The following PNPT1 variants were observed in gnomAD, a reference collection of about 807,000 sequenced individuals.
The protein encoded by PNPT1 is polyribonucleotide nucleotidyltransferase 1, mitochondrial.
Under a neutral mutation model 119.5 loss-of-function variants are expected in PNPT1, and 53 were observed. The ratio of observed to expected loss-of-function variants is 0.44; its 90% CI spans 0.36 to 0.56. The LOEUF (loss-of-function observed/expected upper bound fraction) is 0.56. Ranked by LOEUF, PNPT1 falls within the 20% of genes least tolerant of loss-of-function variation. The pLI, the probability that PNPT1 is intolerant of heterozygous loss-of-function variation, is 0.00. For missense variants in PNPT1, 948 were observed against 938.5 expected, an observed-to-expected ratio of 1.01 and a Z score of -0.13; for synonymous variants, 357 against 322.1, an observed-to-expected ratio of 1.11 and a Z score of -1.16.
chr2:55,678,080 T>C (rs1322161271), intron 8 of PNPT1, among the ~76,000 whole-genome samples: 1 of 152,334 alleles, frequency 6.6e-6, no homozygotes, highest in East Asian at 1.9e-4. Context: ...ATTAACTGTA[T>C]GCTTATTAGG....
chr2:55,670,089 G>A (rs952302692), intron 11 of PNPT1, among the ~76,000 whole-genome samples: 1 of 151,614 alleles, frequency 6.6e-6, no homozygotes, highest in Non-Finnish European at 1.5e-5. Context: ...ATATTCATGT[G>A]AGAGTATATT....
chr2:55,656,165 G>T lies in PNPT1; in HGVS notation c.1407C>A (p.Thr469=), dbSNP rs760468911. 6.2e-7 allele frequency: 1 copy of T among 1,613,264 alleles called. No individual in the cohort carries two copies. The highest frequency in any genetic ancestry group is 8.5e-7 in the Non-Finnish European group (1 of 1,179,620). ...CTAGGACTTCAGATGTAACTCTTAT[G>T]GTGAAAGGAAAATCTCGGGGAATAA... The part of the protein sequence containing the change: ...YPVIPRDFPF[T]IRVTSEVLES... Residue 469 remains threonine (T), a synonymous_variant, in exon 17 of 28, where the codon ACC becomes ACA. Coordinates refer to ENST00000447944, the MANE Select transcript of PNPT1 (RefSeq NM_033109.5).
intron 11 of PNPT1, among the ~76,000 whole-genome samples, chr2:55,670,448 A>C (rs995923784): frequency 4.6e-5 from 7 of 152,044 alleles, no homozygotes; most frequent in Non-Finnish European, 1.0e-4. Flanking sequence ...GGCCGCCCAA[A>C]GTGCTGGGAT....
intron 18 of PNPT1, among the ~76,000 whole-genome samples, chr2:55,647,788 G>A (rs544412711): frequency 1.3e-5 from 2 of 152,112 alleles, no homozygotes; most frequent in South Asian, 2.1e-4. Flanking sequence ...CTCCCAAAGC[G>A]CTGGGATTAC....
Position 55,636,517 on chromosome 2 carries a change from A to G in PNPT1, c.2197-125T>C, listed in dbSNP as rs184848196. ...TTGTTTTTACTTGTTCACTGAAAGCATTGTTCAGTGCTAAGTGGACGTATA... is the reference window on the plus strand; with the variant it reads ...TTGTTTTTACTTGTTCACTGAAAGCGTTGTTCAGTGCTAAGTGGACGTATA... On this transcript the variant is annotated intron_variant, in intron 27 of 27. Coordinates refer to ENST00000447944, the MANE Select transcript of PNPT1 (RefSeq NM_033109.5). 403 of 1,001,690 alleles carry G rather than the reference A, an allele frequency of 4.0e-4. 4 individuals carry two copies. The highest frequency in any genetic ancestry group is 1.6e-3 in the South Asian group (100 of 62,248). 62.1% of individuals were successfully genotyped at this position (1,001,690 alleles called of 1,614,324 possible).
intron 13 of PNPT1, among the ~76,000 whole-genome samples, chr2:55,664,328 T>C (rs1397792354): frequency 1.3e-5 from 2 of 152,094 alleles, no homozygotes; most frequent in Non-Finnish European, 2.9e-5. Context: ...AAAAAGACTG[T>C]GAGGGTCTTA....
At chr2:55,687,301 G>A (rs1228992048) in intron 2 of PNPT1, among the ~76,000 whole-genome samples, 2 of 151,824 alleles carry the variant, frequency 1.3e-5, no homozygotes, top group Non-Finnish European at 2.9e-5. Context: ...TTAGCTGGGT[G>A]TGGTGGTGCA....
chr2:55,655,098 C>A, intron 17 of PNPT1, 145 bp from the exon 18 acceptor site: 1 of 754,370 alleles, frequency 1.3e-6, no homozygotes, highest in South Asian at 2.0e-5. Flanking sequence ...AAGGCAAGGT[C>A]TTTTAAGCTA....
chr2:55,641,008 G>A (rs1251932878), intron 25 of PNPT1, among the ~76,000 whole-genome samples: 2 of 151,996 alleles, frequency 1.3e-5, no homozygotes, highest in Non-Finnish European at 2.9e-5. Context: ...AGCAGATCAC[G>A]AGGTCAAGAG....
At chr2:55,673,166 T>C (rs532277455) in intron 8 of PNPT1, 87 bp from the exon 9 acceptor site, 27 of 1,057,094 alleles carry the variant, frequency 2.6e-5, no homozygotes, top group Non-Finnish European at 3.3e-5. Context: ...ATGACATAAA[T>C]ATTATGGATC....
chr2:55,672,048 TA>T lies in PNPT1; in HGVS notation c.867-3del. 6.3e-7 allele frequency: 1 copy of T among 1,587,216 alleles called. No individual in the cohort carries two copies. The highest frequency in any genetic ancestry group is 8.6e-7 in the Non-Finnish European group (1 of 1,166,730). On this transcript the variant is annotated splice_polypyrimidine_tract_variant and splice_region_variant and intron_variant, in intron 9 of 27. Coordinates refer to ENST00000447944, the MANE Select transcript of PNPT1 (RefSeq NM_033109.5). ...GCATAGAGTCTCTCCATAGCAAGTC[TA>T]TTTAAGCAGAAAATAAATGTTAGCA... is the stretch of plus-strand genomic sequence containing the variant.
Position 55,693,754 on chromosome 2 carries a change from G to A in PNPT1, c.70C>T (p.Pro24Ser). The A allele has an allele frequency of 6.2e-7, 1 of 1,614,192 alleles. No homozygotes were observed. The highest frequency in any genetic ancestry group is 8.5e-7 in the Non-Finnish European group (1 of 1,180,048). Residue 24 changes from proline (P) to serine (S), a missense_variant, in exon 1 of 28, where the codon CCA (proline) becomes TCA (serine). Transcript: ENST00000447944. ...TGGGTGAGTGCCCGATCCCGCCGTG[G>A]CAGAAGGAAAGGACCATCGCTCAGG... ...RPLSDGPFLL[P>S]RRDRALTQLQ...
chr2:55,661,535 C>T (rs949051814), intron 14 of PNPT1, among the ~76,000 whole-genome samples: 12 of 152,150 alleles, frequency 7.9e-5, no homozygotes, highest in Admixed American at 1.3e-4. Context: ...AAAATCACAA[C>T]GTGGCTTGGG....
intron 13 of PNPT1, among the ~76,000 whole-genome samples, chr2:55,662,393 C>T (rs1696606023): frequency 6.6e-6 from 1 of 152,098 alleles, no homozygotes; most frequent in South Asian, 2.1e-4. Flanking sequence ...AAAAAAAAAT[C>T]AGGCCAGGCG....
At chr2:55,643,006 T>C (rs941848487) in intron 25 of PNPT1, 152 bp downstream of exon 25, 4 of 735,398 alleles carry the variant, frequency 5.4e-6, no homozygotes, top group East Asian at 2.7e-5. Flanking sequence ...TAGTCCTAAA[T>C]AGGAGGCTGA....
intron 4 of PNPT1, among the ~76,000 whole-genome samples, chr2:55,684,276 G>C (rs550121356): frequency 1.6e-4 from 25 of 152,310 alleles, no homozygotes; most frequent in Non-Finnish European, 3.4e-4. Flanking sequence ...TGGATCACGA[G>C]GTCAGGAGTT....
intron 11 of PNPT1, 29 bp from the exon 12 acceptor site, chr2:55,667,987 G>T (rs1414563694): frequency 1.9e-6 from 3 of 1,549,022 alleles, no homozygotes; most frequent in African/African-American, 1.4e-5. Flanking sequence ...CCAAAACAAA[G>T]ATTTTTACTT....
At chr2:55,681,800 C>T (rs1241600297) in intron 5 of PNPT1, among the ~76,000 whole-genome samples, 3 of 144,688 alleles carry the variant, frequency 2.1e-5, no homozygotes, top group Admixed American at 7.2e-5. Context: ...GCTGAGATCG[C>T]GCCATTGGTC....
intron 8 of PNPT1, among the ~76,000 whole-genome samples, chr2:55,677,796 G>C (rs1697124507): frequency 1.3e-5 from 2 of 151,792 alleles, no homozygotes; most frequent in Non-Finnish European, 2.9e-5. Context: ...CTGGAGTGCA[G>C]TGGTGTGATC....
Sources: allele counts gnomAD v4.1 joint callset (sites outside exome capture counted in the v4.1 genomes callset), GRCh38; gene constraint gnomAD v4.1.1; transcripts MANE v1.5; gene names NCBI Gene and HGNC (gene_info 2026-07-23, HGNC 2026-07-21).